Variants in DMXL2 observed in about 807,000 individuals in gnomAD.
The protein encoded by DMXL2 is Dmx like 2, also known as dmX-like protein 2.
A neutral mutation model predicts 331.1 loss-of-function variants in DMXL2; 103 were observed. The ratio of observed to expected loss-of-function variants is 0.31; its 90% CI spans 0.27 to 0.37. The LOEUF (loss-of-function observed/expected upper bound fraction) is 0.37. DMXL2 is among the 10% of genes least tolerant of loss of function. The pLI is 1.00. For missense variants in DMXL2, 3,171 were observed against 3,642.9 expected (o/e 0.87, Z 3.33); for synonymous variants, 1,281 against 1,252.1 (o/e 1.02, Z -0.49).
At chr15:51,545,900 T>C in intron 7 of DMXL2, 134 bp from the exon 8 acceptor site, 1 of 649,304 alleles carries the variant, frequency 1.5e-6, no homozygotes, top group African/African-American at 1.8e-5. Context: ...TCAAAGAGCT[T>C]GAAATCATAT....
intron 3 of DMXL2, 106 bp from the exon 4 acceptor site, chr15:51,565,272 G>GTTC: frequency 1.6e-6 from 1 of 613,990 alleles, no homozygotes; most frequent in Non-Finnish European, 2.6e-6. Flanking sequence ...AAGACTTTAA[G>GTTC]ATCTGGAACA....
intron 1 of DMXL2, among the ~76,000 whole-genome samples, chr15:51,596,015 G>C (rs1261830541): frequency 2.0e-5 from 3 of 152,184 alleles, no homozygotes; most frequent in African/African-American, 4.8e-5. Flanking sequence ...CATGGGCAAG[G>C]ACTTCATGTC....
chr15:51,508,088 G>A (rs1451450704), intron 15 of DMXL2, among the ~76,000 whole-genome samples: 2 of 152,098 alleles, frequency 1.3e-5, no homozygotes, highest in East Asian at 1.9e-4. Context: ...GAAACAGTCT[G>A]GCACCGCATG....
chr15:51,498,461 G>T, intron 18 of DMXL2, 91 bp downstream of exon 18: 1 of 1,316,070 alleles, frequency 7.6e-7, no homozygotes, highest in Non-Finnish European at 1.0e-6. Flanking sequence ...TTTGAAAGTT[G>T]AGACTGCAAT....
At chr15:51,572,956 A>C (rs904843302) in intron 2 of DMXL2, among the ~76,000 whole-genome samples, 3 of 152,216 alleles carry the variant, frequency 2.0e-5, no homozygotes, top group African/African-American at 7.2e-5. Context: ...CAAGAGAAAG[A>C]AATAAAGGGT....
At chr15:51,492,168 C>T (rs992664542) in intron 19 of DMXL2, among the ~76,000 whole-genome samples, 4 of 152,190 alleles carry the variant, frequency 2.6e-5, no homozygotes, top group East Asian at 1.9e-4. Flanking sequence ...CCTGTGAATC[C>T]GGCCCGCCCA....
intron 13 of DMXL2, among the ~76,000 whole-genome samples, chr15:51,520,501 G>A (rs1406193336): frequency 1.3e-5 from 2 of 152,104 alleles, no homozygotes; most frequent in Non-Finnish European, 1.5e-5. Flanking sequence ...TTGCTAATGG[G>A]AATTACAGGT....
intron 6 of DMXL2, among the ~76,000 whole-genome samples, chr15:51,559,797 G>A (rs2049839378): frequency 6.6e-6 from 1 of 152,166 alleles, no homozygotes; most frequent in Admixed American, 6.5e-5. Context: ...TTAAAAGTCA[G>A]ACCACATCAG....
rs2043353281 is a variant in DMXL2 at position 51,498,548 on chromosome 15, T to C, written c.4672+4A>G. ...CTTTATAAATTTTTAGCGAGAATAT[T>C]TACCTGAGCAACTCTTATCTCTGCT... On this transcript the variant is annotated splice_donor_region_variant and intron_variant, in intron 18 of 43. Transcript: ENST00000560891. 1 of 1,600,224 alleles carries C rather than the reference T, an allele frequency of 6.2e-7. No individual in the cohort carries two copies. Among genetic ancestry groups the C allele is most frequent in the Non-Finnish European group, 8.5e-7 (1 of 1,174,178 alleles).
intron 29 of DMXL2, among the ~76,000 whole-genome samples, chr15:51,466,963 T>C (rs2040639211): frequency 6.6e-6 from 1 of 151,754 alleles, no homozygotes; most frequent in Admixed American, 6.6e-5. Flanking sequence ...GATGCAAAAA[T>C]ATAATACAAA....
At chr15:51,597,421 G>A (rs902544906) in intron 1 of DMXL2, among the ~76,000 whole-genome samples, 2 of 152,106 alleles carry the variant, frequency 1.3e-5, no homozygotes, top group African/African-American at 2.4e-5. Flanking sequence ...TATGTAAATG[G>A]AATCATACTG....
Position 51,568,807 on chromosome 15 carries a change from G to A in DMXL2, c.214-249C>T, listed in dbSNP as rs185100266. On this transcript the variant is annotated intron_variant, in intron 2 of 43. Transcript: ENST00000560891. The stretch of plus-strand genomic sequence containing the variant: ...TATTCAAAGAAATCATATTTGGATG[G>A]ACAGCTGCCAAGATGGCTGAATAGG... Among the ~76,000 whole-genome samples, 3 of 152,206 alleles carry A rather than the reference G, an allele frequency of 2.0e-5. No individual in the cohort carries two copies. The East Asian group carries it at 5.8e-4, about 29-fold the overall frequency.
intron 27 of DMXL2, among the ~76,000 whole-genome samples, chr15:51,475,146 T>A (rs552782162): frequency 1.3e-5 from 2 of 152,154 alleles, no homozygotes; most frequent in Non-Finnish European, 2.9e-5. Flanking sequence ...GAAAGACACA[T>A]CTTTTTTGTG....
chr15:51,600,572 T>A (rs1354410334), intron 1 of DMXL2, among the ~76,000 whole-genome samples: 1 of 152,148 alleles, frequency 6.6e-6, no homozygotes, highest in African/African-American at 2.4e-5. Context: ...TACTTTCTCT[T>A]CTCTCTAAAA....
intron 22 of DMXL2, among the ~76,000 whole-genome samples, chr15:51,486,768 A>G (rs1351341238): frequency 6.6e-6 from 1 of 152,158 alleles, no homozygotes; most frequent in East Asian, 1.9e-4. Context: ...TGTTCTATTC[A>G]TAGTCTCTGG....
intron 36 of DMXL2, 79 bp downstream of exon 36, chr15:51,458,427 A>T: frequency 1.4e-6 from 2 of 1,472,580 alleles, no homozygotes; most frequent in Non-Finnish European, 1.9e-6. Flanking sequence ...ACCTTTTGAA[A>T]TAATTCAAAT....
At chr15:51,542,300 C>A in intron 9 of DMXL2, 33 bp downstream of exon 9, 2 of 1,584,962 alleles carry the variant, frequency 1.3e-6, no homozygotes. Flanking sequence ...CTGACTTCAA[C>A]ATATTTATGG....
intron 25 of DMXL2, 34 bp from the exon 26 acceptor site, chr15:51,478,381 C>T (rs1489982111): frequency 1.3e-6 from 2 of 1,569,998 alleles, no homozygotes; most frequent in Admixed American, 1.7e-5. Context: ...ACATTTTGTA[C>T]TAACATTTCT....
intron 8 of DMXL2, among the ~76,000 whole-genome samples, chr15:51,543,369 C>G (rs1430310143): frequency 6.6e-6 from 1 of 152,190 alleles, no homozygotes; most frequent in East Asian, 1.9e-4. Context: ...GGCACATCCT[C>G]TCAATTTCTA....
Sources: allele counts gnomAD v4.1 joint callset (sites outside exome capture counted in the v4.1 genomes callset), GRCh38; gene constraint gnomAD v4.1.1; transcripts MANE v1.5; gene names NCBI Gene and HGNC (gene_info 2026-07-23, HGNC 2026-07-21).